TRPV4: variants seen among roughly 807,000 people sequenced by gnomAD.
The protein encoded by TRPV4 is OSM9-like transient receptor potential channel 4.
TRPV4 carries 58 observed loss-of-function variants against 84.1 expected under a neutral mutation model. That is an observed-to-expected ratio of 0.69 (90% CI 0.56 to 0.86). TRPV4 has a LOEUF of 0.86. Among genes scored for constraint, TRPV4 ranks in the 40% least tolerant of loss-of-function variants. The pLI is 0.00. For synonymous variants in TRPV4, 489 were observed against 500.9 expected (o/e 0.98, Z 0.32); for missense variants, 879 against 1,181.1 (o/e 0.74, Z 3.75).
rs1454640395 is a variant in TRPV4, at chr12:109,815,225, C to A, written c.-31-398G>T. ...AGTCATTCCATGACATTGAGCAAGT[C>A]GACATTTCATAGCCTCAGCTTCCTG... On this transcript the variant is annotated intron_variant, in intron 1 of 15. Transcript: ENST00000261740. The surrounding 1 kb of genome is among the most constrained non-coding windows in gnomAD (Gnocchi z 4.1). 1.3e-5 allele frequency among the ~76,000 whole-genome samples: 2 copies of A among 152,186 alleles called. No homozygotes were observed. Among genetic ancestry groups the A allele is most frequent in the Admixed American group, 6.5e-5 (1 of 15,272 alleles).
chr12:109,826,950 C>G (rs1285050359), intron 1 of TRPV4, among the ~76,000 whole-genome samples: 1 of 152,198 alleles, frequency 6.6e-6, no homozygotes, highest in Non-Finnish European at 1.5e-5. Context: ...GGACTCCCTT[C>G]TGGTAACTGC....
chr12:109,816,883 G>A (rs1249253580), intron 1 of TRPV4, among the ~76,000 whole-genome samples: 1 of 152,234 alleles, frequency 6.6e-6, no homozygotes, highest in Non-Finnish European at 1.5e-5. Flanking sequence ...AGAAAGAGAA[G>A]TTAGGAGGCC....
At chr12:109,803,850 C>T (rs757691730) in intron 3 of TRPV4, among the ~76,000 whole-genome samples, 30 of 152,216 alleles carry the variant, frequency 2.0e-4, no homozygotes, top group Non-Finnish European at 3.8e-4. Flanking sequence ...TACTACAGGA[C>T]TTCTCAGAGC....
In TRPV4 at chr12:109,796,829, C is replaced by T. The variant is rs1890431826; in HGVS notation, c.1153-125G>A. ...ACCGGCTGCTGGAGGACCCTTTCCT[C>T]ATCTTGTTTAATTCTTGCTCTTATT... is the stretch of plus-strand genomic sequence containing the variant. On this transcript the variant is annotated intron_variant, in intron 6 of 15. Coordinates refer to ENST00000261740, the MANE Select transcript of TRPV4 (RefSeq NM_021625.5). This position sits in a 1 kb window ranked among gnomAD's most constrained non-coding sequence, Gnocchi z 4.2. 3.1e-6 allele frequency: 3 copies of T among 961,484 alleles called. No homozygotes were observed. 59.6% of individuals were successfully genotyped at this position (961,484 alleles called of 1,614,324 possible).
intron 1 of TRPV4, among the ~76,000 whole-genome samples, chr12:109,821,043 C>G (rs567684003): frequency 6.6e-6 from 1 of 152,376 alleles, no homozygotes; most frequent in Non-Finnish European, 1.5e-5. Context: ...GGGTTACCCG[C>G]GGCTTTGCCT....
At chr12:109,800,388 G>A (rs974802568) in intron 5 of TRPV4, among the ~76,000 whole-genome samples, 1 of 140,522 alleles carries the variant, frequency 7.1e-6, no homozygotes, top group African/African-American at 2.7e-5. Context: ...CTGGAGTGAG[G>A]ATCTGAATCC....
intron 2 of TRPV4, 61 bp from the exon 3 acceptor site, chr12:109,808,529 C>T (rs1411375769): frequency 2.6e-6 from 4 of 1,545,186 alleles, no homozygotes; most frequent in Non-Finnish European, 3.5e-6. Flanking sequence ...CCCACTGTCC[C>T]TGGCCTTAGG....
At chr12:109,805,927 G>A (rs191130519) in intron 3 of TRPV4, among the ~76,000 whole-genome samples, 56 of 152,326 alleles carry the variant, frequency 3.7e-4, no homozygotes, top group African/African-American at 1.3e-3. Context: ...GGTGCTGAAG[G>A]CACAGGTGCC....
chr12:109,815,989 A>G lies in TRPV4; in HGVS notation c.-31-1162T>C, dbSNP rs111528284. ...CTCTGTAGCATGGTGCCAGCCAGGC[A>G]GGGCTGGGCACCAAGGGTGAGTTTC... On this transcript the variant is annotated intron_variant, in intron 1 of 15. Transcript: ENST00000261740. This position sits in a 1 kb window ranked among gnomAD's most constrained non-coding sequence, Gnocchi z 4.1. Among the ~76,000 whole-genome samples the G allele has an allele frequency of 0.024, 3,595 of 152,354 alleles. 150 individuals are homozygous for G. The highest frequency in any genetic ancestry group is 0.082 in the African/African-American group (3,415 of 41,590).
Position 109,792,879 on chromosome 12 carries a change from G to A in TRPV4, c.1659-62C>T. The A allele has an allele frequency of 1.9e-6, 3 of 1,580,068 alleles. No homozygotes were observed. In the South Asian group the frequency reaches 3.4e-5, roughly 18 times the overall value. The stretch of plus-strand genomic sequence containing the variant: ...GGAGAGGGGACAATGAGGCTCTGGA[G>A]GGGAAGACACGCCTCCAAGCCCTCC... On this transcript the variant is annotated intron_variant, in intron 10 of 15. Coordinates refer to ENST00000261740, the MANE Select transcript of TRPV4 (RefSeq NM_021625.5).
rs1555207020 is a variant in TRPV4, at chr12:109,796,506, G to C, written c.1332+19C>G. On this transcript the variant is annotated intron_variant, in intron 7 of 15. Transcript: ENST00000261740. The surrounding 1 kb of genome is among the most constrained non-coding windows in gnomAD (Gnocchi z 4.2). ...CTGCCCCTCCTTCCTCACACCCCATGCCCCCTCCTGGAGCCCACCTCAATC... is the reference window on the plus strand; with the variant it reads ...CTGCCCCTCCTTCCTCACACCCCATCCCCCCTCCTGGAGCCCACCTCAATC... 1 of 1,613,224 alleles carries C rather than the reference G, an allele frequency of 6.2e-7. No individual in the cohort carries two copies. Among genetic ancestry groups the C allele is most frequent in the South Asian group, 1.1e-5 (1 of 91,024 alleles).
At chr12:109,825,200 A>AT (rs1892219885) in intron 1 of TRPV4, among the ~76,000 whole-genome samples, 1 of 152,046 alleles carries the variant, frequency 6.6e-6, no homozygotes, top group Non-Finnish European at 1.5e-5. Context: ...AAATTTATTT[A>AT]TTTTTTAAAA....
At chr12:109,808,261 C>A in intron 3 of TRPV4, 35 bp downstream of exon 3, 1 of 1,612,594 alleles carries the variant, frequency 6.2e-7, no homozygotes, top group Non-Finnish European at 8.5e-7. Context: ...ACACCCCTGG[C>A]TGTCCCACTG....
chr12:109,826,259 C>T (rs1246059111), intron 1 of TRPV4, among the ~76,000 whole-genome samples: 2 of 152,144 alleles, frequency 1.3e-5, no homozygotes, highest in Non-Finnish European at 2.9e-5. Context: ...CCCGGGCTCA[C>T]GTGATCCACA....
intron 2 of TRPV4, among the ~76,000 whole-genome samples, chr12:109,811,229 A>C (rs1891494006): frequency 6.6e-6 from 1 of 152,118 alleles, no homozygotes; most frequent in Non-Finnish European, 1.5e-5. Flanking sequence ...TGGCACATCC[A>C]TGTGCTCAGC....
chr12:109,806,622 A>C (rs1176748425), intron 3 of TRPV4, among the ~76,000 whole-genome samples: 1 of 151,134 alleles, frequency 6.6e-6, no homozygotes, highest in Admixed American at 6.6e-5. Flanking sequence ...TGGGAGGTTG[A>C]GGCAGGAGGA....
intron 2 of TRPV4, among the ~76,000 whole-genome samples, chr12:109,811,050 C>G (rs1291716379): frequency 6.6e-6 from 1 of 152,178 alleles, no homozygotes; most frequent in Non-Finnish European, 1.5e-5. Context: ...GCCTTAGGCC[C>G]TTGCACTCAC....
chr12:109,815,704 C>T lies in TRPV4; in HGVS notation c.-31-877G>A, dbSNP rs746661806. On this transcript the variant is annotated intron_variant, in intron 1 of 15. Coordinates refer to ENST00000261740, the MANE Select transcript of TRPV4 (RefSeq NM_021625.5). The surrounding 1 kb of genome is among the most constrained non-coding windows in gnomAD (Gnocchi z 4.1). ...AGCTGTTCACGGGATGGTTCGTTCC[C>T]AGGCTGTGGGTGCCAGGAGGCAGGA... is the stretch of plus-strand genomic sequence containing the variant. Among the ~76,000 whole-genome samples, 3 of 152,234 alleles carry T rather than the reference C, an allele frequency of 2.0e-5. No homozygotes were observed. The highest frequency in any genetic ancestry group is 6.5e-5 in the Admixed American group (1 of 15,284).
At chr12:109,821,460 T>C (rs1892095726) in intron 1 of TRPV4, among the ~76,000 whole-genome samples, 4 of 152,180 alleles carry the variant, frequency 2.6e-5, no homozygotes, top group Admixed American at 2.6e-4. Context: ...GCCCTCCTGT[T>C]TCCCCTGCTC....
Sources: allele counts gnomAD v4.1 joint callset (sites outside exome capture counted in the v4.1 genomes callset), GRCh38; gene constraint gnomAD v4.1.1; non-coding constraint Gnocchi (gnomAD v3.1); transcripts MANE v1.5; gene names NCBI Gene and HGNC (gene_info 2026-07-23, HGNC 2026-07-21).